The following RASAL2 variants were observed in gnomAD, a reference collection of about 807,000 sequenced individuals.
The protein encoded by RASAL2 is ras GTPase-activating protein nGAP.
Under a neutral mutation model 128.9 loss-of-function variants are expected in RASAL2, and 58 were observed. The observed-to-expected ratio is 0.45, with a 90% CI of 0.36 to 0.56. The LOEUF (loss-of-function observed/expected upper bound fraction) is 0.56, where lower values mean the gene tolerates loss of function less well. Among genes scored for constraint, RASAL2 ranks in the 20% least tolerant of loss-of-function variants. The pLI, the probability that RASAL2 is intolerant of heterozygous loss-of-function variation, is 0.00. For synonymous variants in RASAL2, 561 were observed against 580.8 expected (o/e 0.97, Z 0.49); for missense variants, 1,360 against 1,601.6 (o/e 0.85, Z 2.57).
In RASAL2 at chr1:178,457,781, T is replaced by C; in HGVS notation, c.2489T>C (p.Met830Thr). The part of the protein sequence containing the change: ...LLVQQASSQS[M>T]TYSEKDERES... Reference sequence around the variant, plus strand: ...GTTCAGCAAGCCTCCTCTCAGAGCATGACTTATTCTGAAAAGGATGAAAGG... The same window carrying C: ...GTTCAGCAAGCCTCCTCTCAGAGCACGACTTATTCTGAAAAGGATGAAAGG... Residue 830 changes from methionine (M) to threonine (T), a missense_variant, in exon 14 of 18, where the codon ATG becomes ACG. By Grantham distance (81) the Met-to-Thr change is moderately conservative. Transcript: ENST00000367649. The C allele has an allele frequency of 6.2e-7, 1 of 1,614,212 alleles. No individual in the cohort carries two copies. Among genetic ancestry groups the C allele is most frequent in the Non-Finnish European group, 8.5e-7 (1 of 1,180,042 alleles).
intron 4 of RASAL2, among the ~76,000 whole-genome samples, chr1:178,414,638 T>A (rs948978701): frequency 3.3e-5 from 5 of 152,232 alleles, no homozygotes; most frequent in African/African-American, 7.2e-5. Context: ...GTATTGTCTC[T>A]GCTTCTATCT....
At chr1:178,200,037 G>T (rs940288236) in intron 1 of RASAL2, among the ~76,000 whole-genome samples, 2 of 152,196 alleles carry the variant, frequency 1.3e-5, no homozygotes, top group African/African-American at 4.8e-5. Flanking sequence ...CAGCTTCCTT[G>T]CTCCTCAGCT....
Position 178,439,582 on chromosome 1 carries a change from A to T in RASAL2, c.828+7A>T, listed in dbSNP as rs756499971. 6.2e-7 allele frequency: 1 copy of T among 1,605,000 alleles called. No homozygotes were observed. The highest frequency in any genetic ancestry group is 8.5e-7 in the Non-Finnish European group (1 of 1,176,978). ...ACAAGACTTCTGCTTTGAGGTAAAA[A>T]TAAAGTGTAGAAAAAAGGAAGAGTA... On this transcript the variant is annotated splice_region_variant and intron_variant, in intron 6 of 17. Coordinates refer to ENST00000367649, the MANE Select transcript of RASAL2 (RefSeq NM_170692.4).
At chr1:178,392,959 G>A (rs992239122) in intron 4 of RASAL2, among the ~76,000 whole-genome samples, 3 of 152,188 alleles carry the variant, frequency 2.0e-5, no homozygotes, top group African/African-American at 7.2e-5. Flanking sequence ...TGGTACAGCA[G>A]GGTATTCATG....
intron 1 of RASAL2, among the ~76,000 whole-genome samples, chr1:178,146,973 G>A (rs1379063443): frequency 6.6e-6 from 1 of 152,144 alleles, no homozygotes; most frequent in Non-Finnish European, 1.5e-5. Context: ...TTTCCTTTTA[G>A]CAGTAGCCTT....
In RASAL2 at chr1:178,242,037, A is replaced by G. The variant is rs547006318; in HGVS notation, c.203-41527A>G. ...CAGGTTTGTTTCTTGATTTATTTAT[A>G]GTATTTTTGAGTGTATCTCTTTGGG... On this transcript the variant is annotated intron_variant, in intron 1 of 17. Transcript: ENST00000367649. 4.6e-5 allele frequency among the ~76,000 whole-genome samples: 7 copies of G among 152,240 alleles called. No homozygotes were observed. In the South Asian group the frequency reaches 1.0e-3, roughly 23 times the overall value.
chr1:178,311,448 C>G (rs1449148783), intron 3 of RASAL2, among the ~76,000 whole-genome samples: 2 of 151,988 alleles, frequency 1.3e-5, no homozygotes, highest in Non-Finnish European at 1.5e-5. Context: ...GGTAGCAGAT[C>G]CCCAGGTCTC....
At chr1:178,411,816 G>A in intron 4 of RASAL2, 1 of 770,598 alleles carries the variant, frequency 1.3e-6, no homozygotes, top group South Asian at 1.4e-5. Context: ...AGAGGTGCAA[G>A]GAGCCAGGTA....
chr1:178,241,834 A>G (rs1664511480), intron 1 of RASAL2, among the ~76,000 whole-genome samples: 1 of 152,218 alleles, frequency 6.6e-6, no homozygotes, highest in Non-Finnish European at 1.5e-5. Flanking sequence ...ATGCATGCAA[A>G]GAAGTGTATG....
At chr1:178,400,645 A>C (rs1323449974) in intron 4 of RASAL2, among the ~76,000 whole-genome samples, 1 of 152,200 alleles carries the variant, frequency 6.6e-6, no homozygotes, top group Non-Finnish European at 1.5e-5. Flanking sequence ...TAAAAGTTTT[A>C]TGTTATTGAA....
intron 17 of RASAL2, chr1:178,470,593 T>C: frequency 1.1e-6 from 1 of 944,248 alleles, no homozygotes; most frequent in Non-Finnish European, 1.5e-6. Flanking sequence ...TCTCTCTATG[T>C]GACTCAGGTG....
chr1:178,317,477 A>G (rs1173672619), intron 3 of RASAL2, among the ~76,000 whole-genome samples: 1 of 149,326 alleles, frequency 6.7e-6, no homozygotes, highest in South Asian at 2.1e-4. Context: ...AGCTCCTGTT[A>G]TTGGTCTATT....
intron 1 of RASAL2, among the ~76,000 whole-genome samples, chr1:178,160,954 T>C (rs1417004955): frequency 6.6e-6 from 1 of 152,226 alleles, no homozygotes; most frequent in Non-Finnish European, 1.5e-5. Context: ...CCATTTGATT[T>C]TACAAACTCC....
chr1:178,329,227 G>C (rs1039323707), intron 3 of RASAL2, among the ~76,000 whole-genome samples: 5 of 152,208 alleles, frequency 3.3e-5, no homozygotes, highest in African/African-American at 1.2e-4. Flanking sequence ...GATGTAGGGA[G>C]TGCTGTGGGT....
chr1:178,420,492 C>T lies in RASAL2; in HGVS notation c.565-19C>T, dbSNP rs755510835. The T allele has an allele frequency of 1.3e-6, 2 of 1,557,494 alleles. No homozygotes were observed. The highest frequency in any genetic ancestry group is 1.8e-6 in the Non-Finnish European group (2 of 1,132,266). On this transcript the variant is annotated intron_variant, in intron 4 of 17. Coordinates refer to ENST00000367649, the MANE Select transcript of RASAL2 (RefSeq NM_170692.4). ...CCCTTTTGGTTCTCTCTCCCATCACCTTCTGCCTTTCCTTCTAGGGATTCT... is the reference window on the plus strand; with the variant it reads ...CCCTTTTGGTTCTCTCTCCCATCACTTTCTGCCTTTCCTTCTAGGGATTCT...
chr1:178,161,764 ATTT>A (rs199554930), intron 1 of RASAL2, among the ~76,000 whole-genome samples: 1 of 148,592 alleles, frequency 6.7e-6, no homozygotes, highest in Non-Finnish European at 1.5e-5. Flanking sequence ...ACTTCTTATC[ATTT>A]TTTTTTTATT....
intron 5 of RASAL2, among the ~76,000 whole-genome samples, chr1:178,433,028 T>A (rs1348494300): frequency 6.6e-6 from 1 of 152,062 alleles, no homozygotes; most frequent in Non-Finnish European, 1.5e-5. Flanking sequence ...CACACATGAC[T>A]ACAAGTCTGT....
At chr1:178,405,962 T>G (rs1173112510) in intron 4 of RASAL2, among the ~76,000 whole-genome samples, 4 of 152,182 alleles carry the variant, frequency 2.6e-5, no homozygotes, top group African/African-American at 9.7e-5. Context: ...TTTTTGTACA[T>G]CTAAAATTAC....
intron 3 of RASAL2, among the ~76,000 whole-genome samples, chr1:178,369,417 T>C (rs1671583604): frequency 6.6e-6 from 1 of 151,954 alleles, no homozygotes; most frequent in Non-Finnish European, 1.5e-5. Flanking sequence ...AGAAACAGGG[T>C]TTCACCATGT....
Sources: allele counts gnomAD v4.1 joint callset (sites outside exome capture counted in the v4.1 genomes callset), GRCh38; gene constraint gnomAD v4.1.1; transcripts MANE v1.5; gene names NCBI Gene and HGNC (gene_info 2026-07-23, HGNC 2026-07-21).